The following SLC22A23 variants were observed in gnomAD, a reference collection of about 807,000 sequenced individuals.
SLC22A23 encodes the protein solute carrier family 22 member 23.
A neutral mutation model predicts 61.0 loss-of-function variants in SLC22A23; 26 were observed. The observed-to-expected ratio is 0.43, with a 90% CI of 0.31 to 0.59. The LOEUF is 0.59. SLC22A23 is among the 20% of genes least tolerant of loss of function. The pLI is 0.11. For missense variants in SLC22A23, 796 were observed against 934.7 expected (o/e 0.85, Z 1.94); for synonymous variants, 430 against 413.9 (o/e 1.04, Z -0.47).
chr6:3,416,033 T>G (rs1401677798), intron 1 of SLC22A23, among the ~76,000 whole-genome samples, 178 bp from the exon 2 acceptor site: 6 of 152,254 alleles, frequency 3.9e-5, no homozygotes, highest in Non-Finnish European at 8.8e-5. Context: ...ACATATAATT[T>G]GCCCACAAAA....
In SLC22A23 at chr6:3,334,688, C is replaced by T. The variant is rs539189673; in HGVS notation, c.914-10686G>A. On this transcript the variant is annotated intron_variant, in intron 3 of 9. Coordinates refer to ENST00000406686, the MANE Select transcript of SLC22A23 (RefSeq NM_015482.2). Reference sequence around the variant, plus strand: ...AGGCAGATAAGGAACGTGTGAAGCCCGCCGGGTGCTAGGGGCGGAGCCTGT... The same window carrying T: ...AGGCAGATAAGGAACGTGTGAAGCCTGCCGGGTGCTAGGGGCGGAGCCTGT... Among the ~76,000 whole-genome samples the T allele has an allele frequency of 2.4e-4, 37 of 152,306 alleles. 1 individual carries two copies. Among genetic ancestry groups the T allele is most frequent in the Admixed American group, 2.2e-3 (33 of 15,306 alleles).
intron 1 of SLC22A23, among the ~76,000 whole-genome samples, chr6:3,430,058 C>T (rs1384492497): frequency 6.6e-6 from 1 of 152,194 alleles, no homozygotes; most frequent in Non-Finnish European, 1.5e-5. Context: ...CATTTTCCCA[C>T]ACGCACACAC....
chr6:3,370,083 T>C (rs190304124), intron 3 of SLC22A23, among the ~76,000 whole-genome samples: 5 of 152,362 alleles, frequency 3.3e-5, no homozygotes, highest in African/African-American at 9.6e-5. Flanking sequence ...CAATAGACTT[T>C]GCTGAATTTC....
intron 9 of SLC22A23, among the ~76,000 whole-genome samples, chr6:3,280,753 C>T (rs1426163574): frequency 3.9e-5 from 6 of 152,154 alleles, no homozygotes; most frequent in Non-Finnish European, 5.9e-5. Flanking sequence ...GCCTCAGCCT[C>T]CCAAAGTGCT....
At chr6:3,277,460 C>T (rs1759016808) in intron 9 of SLC22A23, among the ~76,000 whole-genome samples, 3 of 152,190 alleles carry the variant, frequency 2.0e-5, no homozygotes, top group African/African-American at 7.2e-5. Context: ...ACACGCATCG[C>T]CTCTAGAGCC....
intron 9 of SLC22A23, 133 bp downstream of exon 9, chr6:3,283,719 T>C (rs144638176): frequency 1.1e-5 from 16 of 1,489,722 alleles, no homozygotes; most frequent in Admixed American, 3.9e-5. Flanking sequence ...ACCTCAGCTA[T>C]GAACCACGAA....
At chr6:3,391,325 G>A (rs115601064) in intron 3 of SLC22A23, among the ~76,000 whole-genome samples, 319 of 152,330 alleles carry the variant, frequency 2.1e-3, no homozygotes, top group African/African-American at 7.2e-3. Context: ...GGGCATCCAC[G>A]CCAAATCCAT....
At chr6:3,293,042 C>T (rs1760751403) in intron 5 of SLC22A23, among the ~76,000 whole-genome samples, 1 of 152,160 alleles carries the variant, frequency 6.6e-6, no homozygotes, top group Admixed American at 6.5e-5. Context: ...GCAGAGGACG[C>T]AGTGGCCACT....
chr6:3,325,967 C>T (rs1313200040), intron 3 of SLC22A23, among the ~76,000 whole-genome samples: 1 of 152,252 alleles, frequency 6.6e-6, no homozygotes, highest in Non-Finnish European at 1.5e-5. Flanking sequence ...CAATACCTCT[C>T]TTTAGTGACA....
Position 3,299,182 on chromosome 6 carries a change from A to G in SLC22A23, c.1083-964T>C, listed in dbSNP as rs1350090332. Among the ~76,000 whole-genome samples the G allele has an allele frequency of 2.0e-5, 3 of 152,240 alleles. No homozygotes were observed. In the East Asian group the frequency reaches 5.8e-4, roughly 29 times the overall value. On this transcript the variant is annotated intron_variant, in intron 4 of 9. Transcript: ENST00000406686. Reference sequence around the variant, plus strand: ...TGTAACAGAGTAGCGGATATGAACAACATTCTACCAGCTGTGTCAAGAAAT... The same window carrying G: ...TGTAACAGAGTAGCGGATATGAACAGCATTCTACCAGCTGTGTCAAGAAAT...
At chr6:3,392,000 G>A (rs1241222464) in intron 3 of SLC22A23, among the ~76,000 whole-genome samples, 5 of 152,218 alleles carry the variant, frequency 3.3e-5, no homozygotes, top group African/African-American at 1.2e-4. Flanking sequence ...AGCATGGACT[G>A]CAGTAGCATT....
chr6:3,352,993 T>C (rs538666132), intron 3 of SLC22A23, among the ~76,000 whole-genome samples: 4 of 152,198 alleles, frequency 2.6e-5, no homozygotes, highest in Non-Finnish European at 4.4e-5. Context: ...AAAATATGTA[T>C]GAAAATACTA....
Position 3,456,619 on chromosome 6 carries a change from C to T in SLC22A23, c.-60G>A. The T allele has an allele frequency of 1.0e-6, 1 of 962,600 alleles. No individual in the cohort carries two copies. Among genetic ancestry groups the T allele is most frequent in the Non-Finnish European group, 1.2e-6 (1 of 811,934 alleles). The allele number at this position is 962,600 out of a possible 1,614,324, so 59.6% of individuals were successfully genotyped here. A position where few individuals can be genotyped will look rare whatever the true frequency, so the allele number is the denominator to read the frequency against. ...AGCGCGGCGGAGGCTCCGCGGGCGC[C>T]CCGGGCACAGCGCGCCGGGCCAGGC... On this transcript the variant is annotated 5_prime_UTR_variant, in exon 1 of 10. Transcript: ENST00000406686. This position sits in a 1 kb window ranked among gnomAD's most constrained non-coding sequence, Gnocchi z 7.1.
At chr6:3,320,057 G>A (rs1307511613) in intron 4 of SLC22A23, among the ~76,000 whole-genome samples, 1 of 152,138 alleles carries the variant, frequency 6.6e-6, no homozygotes, top group Non-Finnish European at 1.5e-5. Flanking sequence ...CAGTTCTCAC[G>A]GCATCAGAGG....
chr6:3,283,748 AG>A, intron 9 of SLC22A23, 103 bp downstream of exon 9: 1 of 1,564,766 alleles, frequency 6.4e-7, no homozygotes, highest in Non-Finnish European at 8.7e-7. Flanking sequence ...GTCCAGAGCC[AG>A]AGACAGAGCT....
chr6:3,323,642 A>G (rs1258838624), intron 4 of SLC22A23, 192 bp downstream of exon 4: 11 of 691,194 alleles, frequency 1.6e-5, no homozygotes, highest in Non-Finnish European at 2.6e-5. Context: ...ATTTTTGTGT[A>G]TATTTGAACA....
chr6:3,398,696 C>G (rs944165438), intron 3 of SLC22A23, among the ~76,000 whole-genome samples: 9 of 151,672 alleles, frequency 5.9e-5, no homozygotes, highest in African/African-American at 1.5e-4. Flanking sequence ...TCCTCAGGCT[C>G]CTTGACGTTG....
chr6:3,319,027 G>A (rs549249911), intron 4 of SLC22A23, among the ~76,000 whole-genome samples: 1 of 152,224 alleles, frequency 6.6e-6, no homozygotes, highest in South Asian at 2.1e-4. Context: ...TGTGTGCGCT[G>A]CCTCTGTCCT....
intron 4 of SLC22A23, among the ~76,000 whole-genome samples, chr6:3,305,363 A>C (rs1298906463): frequency 6.6e-6 from 1 of 152,238 alleles, no homozygotes; most frequent in African/African-American, 2.4e-5. Flanking sequence ...CGGTGACTGA[A>C]GTTGGGAAGC....
Sources: gnomAD v4.1 joint callset for allele counts (sites outside exome capture counted in the v4.1 genomes callset) on GRCh38, gnomAD v4.1.1 for gene constraint, Gnocchi (gnomAD v3.1) non-coding constraint, MANE v1.5 for transcripts, NCBI Gene and HGNC (gene_info 2026-07-23, HGNC 2026-07-21) for gene names.